CFAP74: variants seen among roughly 807,000 people sequenced by gnomAD.
The protein encoded by CFAP74 is cilia and flagella associated protein 74.
A neutral mutation model predicts 188.9 loss-of-function variants in CFAP74; 124 were observed. The observed-to-expected ratio is 0.66, with a 90% CI of 0.57 to 0.76. The LOEUF (loss-of-function observed/expected upper bound fraction) is 0.76, where lower values mean the gene tolerates loss of function less well. Among genes scored for constraint, CFAP74 ranks in the 30% least tolerant of loss-of-function variants. The pLI is 0.00. For synonymous variants in CFAP74, 956 were observed against 916.7 expected (o/e 1.04, Z -0.77); for missense variants, 2,198 against 2,165.2 (o/e 1.02, Z -0.30).
Position 1,930,332 on chromosome 1 carries a change from A to G in CFAP74, c.3016T>C (p.Phe1006Leu). The G allele has an allele frequency of 6.6e-7, 1 of 1,518,528 alleles. No individual in the cohort carries two copies. The highest frequency in any genetic ancestry group is 8.8e-7 in the Non-Finnish European group (1 of 1,133,858). The allele number at this position is 1,518,528 out of a possible 1,614,324, so 94.1% of individuals were successfully genotyped here. Residue 1006 changes from phenylalanine (F) to leucine (L), a missense_variant, in exon 26 of 39, where the codon TTC (phenylalanine) becomes CTC (leucine). Physicochemically the swap from Phe to Leu is conservative, Grantham distance 22. Coordinates refer to ENST00000682832, the MANE Select transcript of CFAP74 (RefSeq NM_001304360.2). ...CCTACAGCCCGGCAAGACAGCTTGA[A>G]GCACCTGCAAGCAGCAGCATGGGAG... is the stretch of plus-strand genomic sequence containing the variant. ...LTCKSEINRC[F>L]KLSCRAVGVH...
intron 25 of CFAP74, among the ~76,000 whole-genome samples, chr1:1,934,078 C>A (rs544334851): frequency 6.6e-6 from 1 of 152,210 alleles, no homozygotes; most frequent in Non-Finnish European, 1.5e-5. Context: ...CTGAGGCCAC[C>A]GGCATGAGGT....
rs1656374269 is a variant in CFAP74, at chr1:1,975,387, C to T, written c.501-1189G>A. On this transcript the variant is annotated intron_variant, in intron 6 of 38. Transcript: ENST00000682832. The surrounding 1 kb of genome is among the most constrained non-coding windows in gnomAD (Gnocchi z 4.5). Reference sequence around the variant, plus strand: ...TTCGGGGCTCCTAGGATATAAACTCCAACTTGGCAAGGGAGGTGTGTCTGC... The same window carrying T: ...TTCGGGGCTCCTAGGATATAAACTCTAACTTGGCAAGGGAGGTGTGTCTGC... Among the ~76,000 whole-genome samples the T allele has an allele frequency of 2.0e-5, 3 of 152,264 alleles. No homozygotes were observed. Among genetic ancestry groups the T allele is most frequent in the Admixed American group, 1.3e-4 (2 of 15,282 alleles).
intron 2 of CFAP74, among the ~76,000 whole-genome samples, 195 bp downstream of exon 2, chr1:1,990,695 G>A (rs943551782): frequency 6.6e-5 from 10 of 152,094 alleles, no homozygotes; most frequent in Admixed American, 2.0e-4. Flanking sequence ...ATGGTCTGCC[G>A]CCTTCAACAT....
At chr1:1,990,851 T>A in intron 2 of CFAP74, 39 bp downstream of exon 2, 2 of 1,541,408 alleles carry the variant, frequency 1.3e-6, no homozygotes, top group South Asian at 2.3e-5. Context: ...GTTTGTCTTT[T>A]TGCTGAAACT....
chr1:1,960,287 G>C (rs1452515694), intron 14 of CFAP74, among the ~76,000 whole-genome samples: 2 of 152,278 alleles, frequency 1.3e-5, no homozygotes, highest in African/African-American at 4.8e-5. Flanking sequence ...AAGGCGTGAG[G>C]CAAGTCCCCA....
chr1:1,956,874 T>G, intron 16 of CFAP74, 90 bp from the exon 17 acceptor site: 1 of 1,379,888 alleles, frequency 7.2e-7, no homozygotes, highest in Non-Finnish European at 1.0e-6. Flanking sequence ...CAGGCAGGGC[T>G]GCCCTGAGCA....
At chr1:1,974,826 G>A (rs777343960) in intron 6 of CFAP74, among the ~76,000 whole-genome samples, 19 of 152,260 alleles carry the variant, frequency 1.2e-4, no homozygotes, top group Non-Finnish European at 2.5e-4. Flanking sequence ...AGTTGGAGGA[G>A]TGCGTGTGCT....
intron 18 of CFAP74, among the ~76,000 whole-genome samples, chr1:1,947,820 C>T (rs1478506417): frequency 6.6e-6 from 1 of 152,174 alleles, no homozygotes; most frequent in Non-Finnish European, 1.5e-5. Context: ...GACTTTGAAG[C>T]ACCATGCACA....
rs781319082 is a variant in CFAP74 at position 1,935,476 on chromosome 1, G to A, written c.3011+3379C>T. ...AGGTTGTAGGTACACAGGTGTGTGC[G>A]CGCTAGGTTGTAGGTACACATGTGT... On this transcript the variant is annotated intron_variant, in intron 25 of 38. Transcript: ENST00000682832. 1.1e-4 allele frequency among the ~76,000 whole-genome samples: 10 copies of A among 94,682 alleles called. 1 individual carries two copies. The highest frequency in any genetic ancestry group is 1.5e-4 in the African/African-American group (4 of 25,864). The allele number at this position is 94,682 out of a possible 152,430, so 62.1% of individuals were successfully genotyped here.
At chr1:1,945,303 A>G (rs1339891277) in intron 20 of CFAP74, among the ~76,000 whole-genome samples, 1 of 152,148 alleles carries the variant, frequency 6.6e-6, no homozygotes, top group Non-Finnish European at 1.5e-5. Context: ...CTGGGGCCTC[A>G]GGAGGTTAGA....
intron 22 of CFAP74, among the ~76,000 whole-genome samples, chr1:1,941,495 C>T (rs537204527): frequency 1.3e-5 from 2 of 152,264 alleles, no homozygotes; most frequent in South Asian, 2.1e-4. Context: ...TTGGATTAGA[C>T]GAGGGACAGC....
Position 1,926,359 on chromosome 1 carries a change from C to T in CFAP74, c.3829-12G>A, listed in dbSNP as rs969920087. 2.8e-5 allele frequency: 44 copies of T among 1,548,834 alleles called. No individual in the cohort carries two copies. The East Asian group carries it at 3.2e-4, about 11-fold the overall frequency. ...AGGGAGAAGTCCAGCTGAGGGTCCA[C>T]GTCAAGGAGGGGATACAGGTGTCTG... On this transcript the variant is annotated splice_polypyrimidine_tract_variant and intron_variant, in intron 31 of 38. Coordinates refer to ENST00000682832, the MANE Select transcript of CFAP74 (RefSeq NM_001304360.2).
chr1:1,996,374 G>A (rs1227664526), intron 1 of CFAP74, among the ~76,000 whole-genome samples: 1 of 152,296 alleles, frequency 6.6e-6, no homozygotes, highest in South Asian at 2.1e-4. Flanking sequence ...TAAACAGGAA[G>A]TTAGTGGAGT....
chr1:1,968,551 A>C lies in CFAP74; in HGVS notation c.1245+84T>G, dbSNP rs1008503381. The C allele has an allele frequency of 6.7e-6, 8 of 1,192,160 alleles. No individual in the cohort carries two copies. Among genetic ancestry groups the C allele is most frequent in the African/African-American group, 3.0e-5 (2 of 66,122 alleles). The allele number at this position is 1,192,160 out of a possible 1,614,324, so 73.8% of individuals were successfully genotyped here. A position where few individuals can be genotyped will look rare whatever the true frequency, so the allele number is the denominator to read the frequency against. On this transcript the variant is annotated intron_variant, in intron 11 of 38. Coordinates refer to ENST00000682832, the MANE Select transcript of CFAP74 (RefSeq NM_001304360.2). The surrounding 1 kb of genome is among the most constrained non-coding windows in gnomAD (Gnocchi z 4.3). ...GCCATGGTGCTGAGGTCCTCAGAGG[A>C]TGTCTCACCACACCTGAGCCCTGAG...
Position 1,923,625 on chromosome 1 carries a change from T to C in CFAP74, c.4390-126A>G, listed in dbSNP as rs1036326800. 2 of 1,522,496 alleles carry C rather than the reference T, an allele frequency of 1.3e-6. No individual in the cohort carries two copies. The highest frequency in any genetic ancestry group is 1.8e-6 in the Non-Finnish European group (2 of 1,123,188). 94.3% of individuals were successfully genotyped at this position (1,522,496 alleles called of 1,614,324 possible). ...GGGGGCCCCGTGGGGCCCTGGACTC[T>C]GGTCTTTCCACTGACGGCCCTCAGT... On this transcript the variant is annotated intron_variant, in intron 35 of 38. Transcript: ENST00000682832. This position sits in a 1 kb window ranked among gnomAD's most constrained non-coding sequence, Gnocchi z 6.3.
In CFAP74 at chr1:1,955,816, T is replaced by C; in HGVS notation, c.2051A>G (p.Tyr684Cys). 11 of 1,614,032 alleles carry C rather than the reference T, an allele frequency of 6.8e-6. No homozygotes were observed. The highest frequency in any genetic ancestry group is 9.3e-6 in the Non-Finnish European group (11 of 1,180,034). Residue 684 changes from tyrosine (Y) to cysteine (C), a missense_variant, in exon 18 of 39, where the codon TAT becomes TGT. Tyr to Cys is a radical substitution (Grantham distance 194). Transcript: ENST00000682832. ...SLLTYEDKSL[Y>C]DKAATSFSEQ... is the part of the protein sequence containing the mutation. Reference sequence around the variant, plus strand: ...AGAGAAGCTGGTGGCGGCTTTGTCATACAAGCTTTTATCTTCGTAGGTCAG... The same window carrying C: ...AGAGAAGCTGGTGGCGGCTTTGTCACACAAGCTTTTATCTTCGTAGGTCAG...
intron 14 of CFAP74, 134 bp downstream of exon 14, chr1:1,963,615 A>G (rs1655252481): frequency 1.5e-5 from 9 of 590,184 alleles, no homozygotes; most frequent in Non-Finnish European, 2.6e-5. Context: ...CCCCTCTACA[A>G]AATCTTCGTG....
intron 2 of CFAP74, among the ~76,000 whole-genome samples, chr1:1,990,234 G>C (rs1657488317): frequency 6.6e-6 from 1 of 152,168 alleles, no homozygotes; most frequent in East Asian, 1.9e-4. Flanking sequence ...AGACAAAAGA[G>C]GCTGAAGGTC....
intron 11 of CFAP74, among the ~76,000 whole-genome samples, chr1:1,967,505 A>G (rs2102072627): frequency 6.6e-6 from 1 of 152,178 alleles, no homozygotes; most frequent in South Asian, 2.1e-4. Context: ...TGGCGGAGGG[A>G]TCGGCGGGTG....
Sources: gnomAD v4.1 joint callset for allele counts (sites outside exome capture counted in the v4.1 genomes callset) on GRCh38, gnomAD v4.1.1 for gene constraint, Gnocchi (gnomAD v3.1) non-coding constraint, MANE v1.5 for transcripts, NCBI Gene and HGNC (gene_info 2026-07-23, HGNC 2026-07-21) for gene names.